Variants in DIP2C observed in about 807,000 individuals in gnomAD.
The protein encoded by DIP2C is DIP2 acetate--CoA ligase C (putative).
In DIP2C, 33 loss-of-function variants were observed where a neutral mutation model predicts 192.4. That is an observed-to-expected ratio of 0.17 (90% CI 0.13 to 0.23). The LOEUF is 0.23. Among genes scored for constraint, DIP2C ranks in the 10% least tolerant of loss-of-function variants. The pLI is 1.00. For missense variants in DIP2C, 1,537 were observed against 2,110.1 expected (o/e 0.73, Z 5.32); for synonymous variants, 979 against 864.1 (o/e 1.13, Z -2.33).
intron 31 of DIP2C, among the ~76,000 whole-genome samples, chr10:323,404 CGA>C (rs1265885005): frequency 6.8e-5 from 5 of 73,198 alleles, no homozygotes; most frequent in African/African-American, 2.8e-4. Context: ...GGGGCTCCGG[CGA>C]GAGACCGGCG....
chr10:540,022 G>A lies in DIP2C; in HGVS notation c.86-53492C>T, dbSNP rs148483764. 2.0e-5 allele frequency among the ~76,000 whole-genome samples: 3 copies of A among 152,256 alleles called. No individual in the cohort carries two copies. The East Asian group carries it at 5.8e-4, about 29-fold the overall frequency. ...CCACTTTCCCCTTCACTTTTCACATGGTTTCTAGAAACTTGTGTTTGGCAA... is the reference window on the plus strand; with the variant it reads ...CCACTTTCCCCTTCACTTTTCACATAGTTTCTAGAAACTTGTGTTTGGCAA... On this transcript the variant is annotated intron_variant, in intron 1 of 36. Coordinates refer to ENST00000280886, the MANE Select transcript of DIP2C (RefSeq NM_014974.3).
intron 2 of DIP2C, among the ~76,000 whole-genome samples, chr10:475,130 G>A (rs2133459758): frequency 6.6e-6 from 1 of 152,258 alleles, no homozygotes. Flanking sequence ...CAAATCTGGA[G>A]CCTCCCAGTT....
intron 7 of DIP2C, among the ~76,000 whole-genome samples, chr10:415,236 G>C (rs577406263): frequency 1.3e-5 from 2 of 152,052 alleles, no homozygotes; most frequent in Non-Finnish European, 2.9e-5. Context: ...AAAATCAGTC[G>C]TTTCTACTTG....
intron 1 of DIP2C, among the ~76,000 whole-genome samples, chr10:510,731 A>C (rs1380772371): frequency 6.6e-6 from 1 of 152,204 alleles, no homozygotes; most frequent in African/African-American, 2.4e-5. Flanking sequence ...TGTGACGTTA[A>C]CAGCAGCCTG....
intron 1 of DIP2C, among the ~76,000 whole-genome samples, chr10:612,699 G>A (rs1016583987): frequency 6.6e-5 from 10 of 152,122 alleles, no homozygotes; most frequent in African/African-American, 2.2e-4. Flanking sequence ...CGTTTACTCC[G>A]CCGACTGTGT....
chr10:343,926 G>A (rs1037588278), intron 28 of DIP2C, among the ~76,000 whole-genome samples: 3 of 152,198 alleles, frequency 2.0e-5, no homozygotes, highest in Admixed American at 6.5e-5. Context: ...ATGGACAACC[G>A]TGTATGGGGT....
chr10:662,780 T>C, intron 1 of DIP2C: 1 of 698,446 alleles, frequency 1.4e-6, no homozygotes, highest in Non-Finnish European at 2.7e-6. Flanking sequence ...GTGTTGCCTA[T>C]TCTCTTTTAG....
rs753685128 is a variant in DIP2C at position 356,521 on chromosome 10, G to C, written c.2905-15C>G. 6.2e-7 allele frequency: 1 copy of C among 1,605,502 alleles called. No individual in the cohort carries two copies. The highest frequency in any genetic ancestry group is 8.5e-7 in the Non-Finnish European group (1 of 1,174,910). ...AGGAACAGGAACTGGAACAGAGCACGGGCATGAGGATCAGGCTGTGCGGTT... is the reference window on the plus strand; with the variant it reads ...AGGAACAGGAACTGGAACAGAGCACCGGCATGAGGATCAGGCTGTGCGGTT... On this transcript the variant is annotated splice_polypyrimidine_tract_variant and intron_variant, in intron 23 of 36. Transcript: ENST00000280886.
Position 583,974 on chromosome 10 carries a change from C to T in DIP2C, c.86-97444G>A, listed in dbSNP as rs565251378. Among the ~76,000 whole-genome samples the T allele has an allele frequency of 1.3e-3, 197 of 152,244 alleles. 2 individuals carry two copies. The highest frequency in any genetic ancestry group is 2.3e-3 in the Non-Finnish European group (158 of 68,020). On this transcript the variant is annotated intron_variant, in intron 1 of 36. Transcript: ENST00000280886. ...GCCACAAATGTGAAAGAGAGAGGCG[C>T]GGGGGCCAGGGTGCTGGGTGGGTCC... is the stretch of plus-strand genomic sequence containing the variant.
At chr10:320,955 G>A (rs1294163040) in intron 31 of DIP2C, among the ~76,000 whole-genome samples, 2 of 152,196 alleles carry the variant, frequency 1.3e-5, no homozygotes, top group Non-Finnish European at 2.9e-5. Flanking sequence ...GGGGACCCGG[G>A]CGGAGCAGGA....
At chr10:324,401 C>T (rs114435860) in intron 31 of DIP2C, among the ~76,000 whole-genome samples, 3,163 of 152,286 alleles carry the variant, frequency 0.021, 94 homozygotes, top group African/African-American at 0.064. Flanking sequence ...AACCTAATTC[C>T]GAAGCACACC....
chr10:316,075 A>G (rs1956762731), intron 31 of DIP2C, among the ~76,000 whole-genome samples: 1 of 151,956 alleles, frequency 6.6e-6, no homozygotes, highest in Non-Finnish European at 1.5e-5. Flanking sequence ...CACCTTTTCA[A>G]CGAATTTCTG....
chr10:304,757 A>T (rs1030333201), intron 32 of DIP2C, among the ~76,000 whole-genome samples: 2 of 151,780 alleles, frequency 1.3e-5, no homozygotes, highest in African/African-American at 4.8e-5. Flanking sequence ...CACACATAAA[A>T]CAGTACACTA....
At chr10:580,312 CAT>C (rs1399798503) in intron 1 of DIP2C, among the ~76,000 whole-genome samples, 1 of 152,074 alleles carries the variant, frequency 6.6e-6, no homozygotes, top group East Asian at 1.9e-4. Context: ...TTAGTGTGCA[CAT>C]ATCCACAAGT....
chr10:419,823 A>C (rs1227419095), intron 5 of DIP2C, among the ~76,000 whole-genome samples: 1 of 152,164 alleles, frequency 6.6e-6, no homozygotes, highest in Admixed American at 6.5e-5. Flanking sequence ...GTTACACCCT[A>C]ATGTGTACTA....
intron 29 of DIP2C, among the ~76,000 whole-genome samples, chr10:332,989 G>C (rs1957570904): frequency 6.6e-6 from 1 of 152,236 alleles, no homozygotes; most frequent in African/African-American, 2.4e-5. Context: ...TGCAACCTCT[G>C]CCTCCTGGGT....
intron 1 of DIP2C, among the ~76,000 whole-genome samples, chr10:563,372 ACCT>A (rs1018867932): frequency 1.7e-4 from 26 of 152,144 alleles, no homozygotes; most frequent in African/African-American, 5.3e-4. Context: ...CCTTTAAAAA[ACCT>A]CCTAACAGCA....
chr10:323,592 C>A (rs568380047), intron 31 of DIP2C, among the ~76,000 whole-genome samples: 1 of 152,336 alleles, frequency 6.6e-6, no homozygotes, highest in Admixed American at 6.5e-5. Flanking sequence ...GTTTGGAATT[C>A]TGGCAGTGTC....
chr10:417,632 GCTCGGATAGGCCTCCCT>G (rs1965746218), intron 6 of DIP2C, among the ~76,000 whole-genome samples: 1 of 126,330 alleles, frequency 7.9e-6, no homozygotes, highest in South Asian at 2.5e-4. Flanking sequence ...GCCTGTCAGG[GCTCGGATAGGCCTCCCT>G]GTCCACCTGT....
Sources: allele counts gnomAD v4.1 joint callset (sites outside exome capture counted in the v4.1 genomes callset), GRCh38; gene constraint gnomAD v4.1.1; transcripts MANE v1.5; gene names NCBI Gene and HGNC (gene_info 2026-07-23, HGNC 2026-07-21).